Variants in SGTA observed in about 807,000 individuals in gnomAD.
SGTA encodes small glutamine-rich tetratricopeptide repeat-containing protein alpha.
In SGTA, 22 loss-of-function variants were observed where a neutral mutation model predicts 44.3. The ratio of observed to expected loss-of-function variants is 0.50; its 90% CI spans 0.36 to 0.71. The LOEUF is 0.71. Ranked by LOEUF, SGTA falls within the 30% of genes least tolerant of loss-of-function variation. SGTA has a pLI of 0.00. For missense variants in SGTA, 341 were observed against 435.9 expected, an observed-to-expected ratio of 0.78 and a Z score of 1.94; for synonymous variants, 174 against 177.6, an observed-to-expected ratio of 0.98 and a Z score of 0.16.
At position 2,767,507 on chromosome 19, in the gene SGTA, T is replaced by C; in HGVS notation, c.207+73A>G. On this transcript the variant is annotated intron_variant, in intron 3 of 11. Coordinates refer to ENST00000221566, the MANE Select transcript of SGTA (RefSeq NM_003021.4). This position sits in a 1 kb window ranked among gnomAD's most constrained non-coding sequence, Gnocchi z 7.3. ...TGGGGGACGATGAGAGCGGGGCTCC[T>C]GGGGTCCCCAGGGCTGCCTGCTGTT... 1 of 1,273,492 alleles carries C rather than the reference T, an allele frequency of 7.9e-7. No homozygotes were observed. The allele number at this position is 1,273,492 out of a possible 1,614,324, so 78.9% of individuals were successfully genotyped here. A position where few individuals can be genotyped will look rare whatever the true frequency, so the allele number is the denominator to read the frequency against.
At chr19:2,762,419 C>CT in intron 7 of SGTA, 87 bp downstream of exon 7, 1 of 1,402,948 alleles carries the variant, frequency 7.1e-7, no homozygotes, top group Non-Finnish European at 9.9e-7. Flanking sequence ...CAGGTTAAGC[C>CT]TAGAGCCACT....
chr19:2,781,183 G>A (rs1016798492), intron 1 of SGTA, among the ~76,000 whole-genome samples: 11 of 152,150 alleles, frequency 7.2e-5, no homozygotes, highest in Non-Finnish European at 1.3e-4. Flanking sequence ...TGAGTAAGAC[G>A]ACAGCTCTCA....
At chr19:2,774,643 T>G (rs914944021) in intron 1 of SGTA, among the ~76,000 whole-genome samples, 1 of 152,084 alleles carries the variant, frequency 6.6e-6, no homozygotes, top group Non-Finnish European at 1.5e-5. Context: ...ATGACCTACC[T>G]GAGCACTTCG....
chr19:2,763,668 GC>G lies in SGTA; in HGVS notation c.481del (p.Ala161ProfsTer41), dbSNP rs1360548635. The G allele has an allele frequency of 6.2e-7, 1 of 1,612,954 alleles. No homozygotes were observed. The highest frequency in any genetic ancestry group is 1.1e-5 in the South Asian group (1 of 91,038). On this transcript the variant is annotated frameshift_variant, in exon 6 of 12. Transcript: ENST00000221566. LOFTEE classifies it high-confidence loss of function. The surrounding 1 kb of genome is among the most constrained non-coding windows in gnomAD (Gnocchi z 5.8). ...AICIDPAYSK[A>X]YGRMGLALSS... The stretch of plus-strand genomic sequence containing the variant: ...AGGCACTCACCCCATCCTGCCGTAG[GC>G]CTTGCTGTAGGCCGGGTCAATGCAG...
At chr19:2,762,903 G>C (rs1915039864) in intron 6 of SGTA, among the ~76,000 whole-genome samples, 1 of 152,232 alleles carries the variant, frequency 6.6e-6, no homozygotes, top group Non-Finnish European at 1.5e-5. Flanking sequence ...TCAAAGCCCA[G>C]AGCGGGCTGA....
intron 6 of SGTA, among the ~76,000 whole-genome samples, 181 bp from the exon 7 acceptor site, chr19:2,762,825 G>A (rs1568308594): frequency 6.6e-6 from 1 of 152,190 alleles, no homozygotes; most frequent in Non-Finnish European, 1.5e-5. Context: ...GCAGGACTGA[G>A]GGAGACAGAC....
intron 4 of SGTA, among the ~76,000 whole-genome samples, chr19:2,766,734 C>G (rs1231464217): frequency 1.3e-5 from 2 of 152,046 alleles, no homozygotes; most frequent in African/African-American, 2.4e-5. Flanking sequence ...CCGCGCCCGG[C>G]CTCTTCTTGC....
intron 9 of SGTA, among the ~76,000 whole-genome samples, chr19:2,758,583 G>A (rs1331376944): frequency 2.0e-5 from 3 of 151,906 alleles, no homozygotes; most frequent in Non-Finnish European, 4.4e-5. Context: ...TCCCCAGTGC[G>A]CACAGCGCTT....
chr19:2,757,188 G>C, intron 11 of SGTA, 149 bp downstream of exon 11: 29 of 1,036,424 alleles, frequency 2.8e-5, no homozygotes, highest in Non-Finnish European at 3.8e-5. Flanking sequence ...GTGATCTTCT[G>C]AGCTGGATGC....
chr19:2,757,737 G>C lies in SGTA; in HGVS notation c.783C>G (p.Pro261=), dbSNP rs149352340. The change falls in exon 10 of 12, where the codon CCC becomes CCG. Residue 261 remains proline, a synonymous_variant. Transcript: ENST00000221566. ...ISGGNNPLGT[P]GTSPSQNDLA... ...GGTCGTTCTGCGAGGGGCTGGTGCC[G>C]GGAGTTCCCAAGGGGTTGTTGCCAC... 1,656 of 1,603,996 alleles carry C rather than the reference G, an allele frequency of 1.0e-3. 4 individuals are homozygous for C. Among genetic ancestry groups the C allele is most frequent in the Non-Finnish European group, 1.3e-3 (1,494 of 1,175,840 alleles).
rs1915068706 is a variant in SGTA, at chr19:2,763,800, G to A, written c.393-43C>T. The A allele has an allele frequency of 6.5e-7, 1 of 1,538,738 alleles. No individual in the cohort carries two copies. The highest frequency in any genetic ancestry group is 8.9e-7 in the Non-Finnish European group (1 of 1,120,750). The stretch of plus-strand genomic sequence containing the variant: ...GGGCAGGTCCCTCACTGGCGGCTCT[G>A]AGCCCAGCGGGCAGCCCTTGAGGGG... On this transcript the variant is annotated intron_variant, in intron 5 of 11. Transcript: ENST00000221566. The surrounding 1 kb of genome is among the most constrained non-coding windows in gnomAD (Gnocchi z 5.8).
chr19:2,772,382 G>A (rs76801805), intron 1 of SGTA, among the ~76,000 whole-genome samples: 1 of 152,232 alleles, frequency 6.6e-6, no homozygotes, highest in Non-Finnish European at 1.5e-5. Flanking sequence ...CACCTACAAG[G>A]AAACTCTGAC....
At chr19:2,777,121 C>T (rs1915461278) in intron 1 of SGTA, among the ~76,000 whole-genome samples, 4 of 151,726 alleles carry the variant, frequency 2.6e-5, no homozygotes, top group South Asian at 2.1e-4. Flanking sequence ...CGTAGTGGTG[C>T]GCGCCTGTAA....
chr19:2,771,492 T>C (rs986736063), intron 1 of SGTA, among the ~76,000 whole-genome samples: 2 of 150,762 alleles, frequency 1.3e-5, no homozygotes, highest in African/African-American at 4.9e-5. Context: ...TTTTTGGCAG[T>C]GTGACCTAGG....
Position 2,762,608 on chromosome 19 carries a change from G to A in SGTA, c.534C>T (p.Ala178=), listed in dbSNP as rs370024757. ...CCAGAGCCTTCTTGTAGTAAGCCAC[G>A]GCCTCCACGTGCTTGTTGAGGCTGG... The part of the protein sequence containing the change: ...ALSSLNKHVE[A]VAYYKKALEL... Residue 178 remains alanine, a synonymous_variant, in exon 7 of 12, where the codon GCC becomes GCT. Coordinates refer to ENST00000221566, the MANE Select transcript of SGTA (RefSeq NM_003021.4). 89 of 1,613,900 alleles carry A rather than the reference G, an allele frequency of 5.5e-5. 1 individual carries two copies. Among genetic ancestry groups the A allele is most frequent in the South Asian group, 7.7e-5 (7 of 91,088 alleles).
intron 9 of SGTA, among the ~76,000 whole-genome samples, chr19:2,758,067 C>G (rs916369905): frequency 6.6e-6 from 1 of 152,218 alleles, no homozygotes; most frequent in African/African-American, 2.4e-5. Flanking sequence ...ACATTTGCAA[C>G]AGCCATGATT....
chr19:2,775,605 G>A (rs1188010733), intron 1 of SGTA, among the ~76,000 whole-genome samples: 2 of 152,196 alleles, frequency 1.3e-5, no homozygotes, highest in African/African-American at 2.4e-5. Context: ...GTGTGACACC[G>A]ACTCCATTTC....
At chr19:2,775,303 G>A (rs1193908989) in intron 1 of SGTA, among the ~76,000 whole-genome samples, 1 of 152,228 alleles carries the variant, frequency 6.6e-6, no homozygotes, top group Non-Finnish European at 1.5e-5. Flanking sequence ...TCTACATGAG[G>A]TGAACAGCCA....
At chr19:2,774,463 T>C (rs1176886380) in intron 1 of SGTA, among the ~76,000 whole-genome samples, 1 of 152,002 alleles carries the variant, frequency 6.6e-6, no homozygotes, top group Non-Finnish European at 1.5e-5. Flanking sequence ...AAACGACACT[T>C]CCTATCACGT....
Sources: gnomAD v4.1 joint callset for allele counts (sites outside exome capture counted in the v4.1 genomes callset) on GRCh38, gnomAD v4.1.1 for gene constraint, Gnocchi (gnomAD v3.1) non-coding constraint, MANE v1.5 for transcripts, NCBI Gene and HGNC (gene_info 2026-07-23, HGNC 2026-07-21) for gene names.